Variants in GBP1 observed in about 807,000 individuals in gnomAD.
GBP1 encodes guanylate-binding protein 1.
In GBP1, 64 loss-of-function variants were observed where a neutral mutation model predicts 69.5. The ratio of observed to expected loss-of-function variants is 0.92; its 90% CI spans 0.75 to 1.13. The LOEUF (loss-of-function observed/expected upper bound fraction) is 1.13. Ranked by LOEUF, GBP1 falls within the 50% of genes most tolerant of loss-of-function variation. GBP1 has a pLI of 0.00. For missense variants in GBP1, 630 were observed against 704.1 expected, an observed-to-expected ratio of 0.89 and a Z score of 1.19; for synonymous variants, 250 against 261.2, an observed-to-expected ratio of 0.96 and a Z score of 0.41.
chr1:89,062,307 G>A (rs1050156945), intron 2 of GBP1, among the ~76,000 whole-genome samples: 2 of 152,150 alleles, frequency 1.3e-5, no homozygotes, highest in South Asian at 2.1e-4. Flanking sequence ...TAGTATACAC[G>A]TACAATTACT....
chr1:89,057,525 A>G (rs10922557), intron 6 of GBP1, among the ~76,000 whole-genome samples: 62,636 of 152,052 alleles, frequency 0.41, 13,825 homozygotes, highest in Non-Finnish European at 0.49. Context: ...AAATGACACT[A>G]TTCCAATAAA....
At chr1:89,059,526 TTTTTC>T (rs1680131135) in intron 3 of GBP1, 100 bp from the exon 4 acceptor site, 9 of 1,251,652 alleles carry the variant, frequency 7.2e-6, no homozygotes, top group Admixed American at 2.7e-5. Flanking sequence ...AGAGGGTTTT[TTTTTC>T]TTTTCTTTTT....
intron 4 of GBP1, 68 bp from the exon 5 acceptor site, chr1:89,059,111 A>T (rs910736296): frequency 1.7e-4 from 272 of 1,604,402 alleles, no homozygotes; most frequent in Non-Finnish European, 1.9e-4. Context: ...TTCAACACAT[A>T]CCCAAACCTT....
intron 6 of GBP1, 133 bp from the exon 7 acceptor site, chr1:89,057,267 G>A: frequency 8.0e-7 from 1 of 1,256,404 alleles, no homozygotes; most frequent in Non-Finnish European, 1.1e-6. Context: ...GAAGCTTGCT[G>A]GAAATAGACT....
intron 1 of GBP1, among the ~76,000 whole-genome samples, chr1:89,064,226 TGTGTGTGTGTGTGTGA>T (rs1356754552): frequency 0.014 from 1,587 of 110,956 alleles, 6 homozygotes; most frequent in Non-Finnish European, 0.023. Context: ...TGTGTGTGTG[TGTGTGTGTGTGTGTGA>T]GAGAGAGAGA....
In GBP1 at chr1:89,053,266, AATT is replaced by A; in HGVS notation, c.*86_*88del. 1 of 925,902 alleles carries A rather than the reference AATT, an allele frequency of 1.1e-6. No homozygotes were observed. The highest frequency in any genetic ancestry group is 2.5e-5 in the East Asian group (1 of 39,412). 57.4% of individuals were successfully genotyped at this position (925,902 alleles called of 1,614,324 possible). On this transcript the variant is annotated 3_prime_UTR_variant, in exon 11 of 11. Coordinates refer to ENST00000370473, the MANE Select transcript of GBP1 (RefSeq NM_002053.3). ...CTTTTGGTGTTATGATGCAAGATCT[AATT>A]ATTATCAAATGTAGTGACGCTTGTT...
intron 10 of GBP1, among the ~76,000 whole-genome samples, 186 bp downstream of exon 10, chr1:89,054,496 A>G (rs1330246589): frequency 1.3e-5 from 2 of 152,250 alleles, no homozygotes; most frequent in Non-Finnish European, 2.9e-5. Flanking sequence ...CTGCAAATAA[A>G]AAACTTTCAG....
At chr1:89,055,722 C>G in intron 8 of GBP1, 1 of 481,288 alleles carries the variant, frequency 2.1e-6, no homozygotes, top group East Asian at 4.0e-5. Context: ...AAGCAGCCAT[C>G]ATTGGGTTCC....
chr1:89,059,232 C>A, intron 4 of GBP1, 85 bp downstream of exon 4: 1 of 1,613,520 alleles, frequency 6.2e-7, no homozygotes, highest in Non-Finnish European at 8.5e-7. Flanking sequence ...GAGCTTGATT[C>A]ATCAGGATTC....
At chr1:89,064,449 C>T (rs957946325) in intron 1 of GBP1, among the ~76,000 whole-genome samples, 1 of 151,942 alleles carries the variant, frequency 6.6e-6, no homozygotes, top group Non-Finnish European at 1.5e-5. Flanking sequence ...CACTTTTGGC[C>T]CTGCTCTCTA....
rs144022371 is a variant in GBP1, at chr1:89,058,119, C to G, written c.747G>C (p.Gln249His). 1.5e-4 allele frequency: 250 copies of G among 1,614,166 alleles called. 16 individuals are homozygous for G. The highest frequency in any genetic ancestry group is 5.6e-4 in the East Asian group (25 of 44,880). ...DRPVHRRKLA[Q>H]LEKLQDEELD... ...GCTCTTCATCTTGTAGTTTCTCGAG[C>G]TGGGCAAGCTTCCTGCGGTGAACGG... is the stretch of plus-strand genomic sequence containing the variant. The change falls in exon 6 of 11, where the codon CAG (glutamine) becomes CAC (histidine). Residue 249 changes from glutamine to histidine, a missense_variant. Transcript: ENST00000370473.
At chr1:89,058,808 C>T (rs756717547) in intron 5 of GBP1, 33 bp downstream of exon 5, 7 of 1,603,622 alleles carry the variant, frequency 4.4e-6, no homozygotes, top group Admixed American at 3.3e-5. Context: ...TGTGTTTTCT[C>T]ATCCTCATTT....
At chr1:89,062,217 G>C (rs1680218462) in intron 2 of GBP1, among the ~76,000 whole-genome samples, 1 of 152,204 alleles carries the variant, frequency 6.6e-6, no homozygotes, top group Admixed American at 6.5e-5. Flanking sequence ...AGACACCCAT[G>C]TTCCTATTAG....
chr1:89,055,257 T>G (rs1680014167), intron 8 of GBP1, 42 bp from the exon 9 acceptor site: 1 of 1,609,938 alleles, frequency 6.2e-7, no homozygotes, highest in Non-Finnish European at 8.5e-7. Context: ...AGGAAATGGC[T>G]GTAAGCAGGT....
chr1:89,062,930 A>C, intron 2 of GBP1, 115 bp downstream of exon 2: 2 of 1,295,328 alleles, frequency 1.5e-6, no homozygotes, highest in South Asian at 2.6e-5. Flanking sequence ...CTGTGAATGG[A>C]AAGTTAGCTT....
chr1:89,055,633 T>C lies in GBP1; in HGVS notation c.1368+383A>G, dbSNP rs1215057778. 8.3e-6 allele frequency: 3 copies of C among 359,428 alleles called. No homozygotes were observed. In the East Asian group the frequency reaches 2.1e-4, roughly 25 times the overall value. The allele number at this position is 359,428 out of a possible 1,614,324, so 22.3% of individuals were successfully genotyped here. A position where few individuals can be genotyped will look rare whatever the true frequency, so the allele number is the denominator to read the frequency against. On this transcript the variant is annotated intron_variant, in intron 8 of 10. Transcript: ENST00000370473. ...GAACACTGGACAGAGAGCCAGTTCA[T>C]GATGTTACTTGAAACCTTAGACCCA... is the stretch of plus-strand genomic sequence containing the variant.
chr1:89,064,240 T>TGTGTGTGTGAGA (rs1243424526), intron 1 of GBP1, among the ~76,000 whole-genome samples: 2 of 100,010 alleles, frequency 2.0e-5, no homozygotes, highest in African/African-American at 4.1e-5. Context: ...TGTGTGTGTG[T>TGTGTGTGTGAGA]GAGAGAGAGA....
In GBP1 at chr1:89,055,325, A is replaced by G. The variant is rs1292648582; in HGVS notation, c.1369-110T>C. 26 of 1,540,628 alleles carry G rather than the reference A, an allele frequency of 1.7e-5. No individual in the cohort carries two copies. The African/African-American group carries it at 1.9e-4, about 11-fold the overall frequency. On this transcript the variant is annotated intron_variant, in intron 8 of 10. Coordinates refer to ENST00000370473, the MANE Select transcript of GBP1 (RefSeq NM_002053.3). ...TCTGGGAATTCTTTCTCTTGGCCCT[A>G]TTGTCCTTGGTGGTCAAATTCCCTG...
chr1:89,062,988 G>T, intron 2 of GBP1, 57 bp downstream of exon 2: 1 of 1,592,440 alleles, frequency 6.3e-7, no homozygotes, highest in Non-Finnish European at 8.6e-7. Context: ...TCATAATGGA[G>T]GCTGACTGTG....
Sources: gnomAD v4.1 joint callset for allele counts (sites outside exome capture counted in the v4.1 genomes callset) on GRCh38, gnomAD v4.1.1 for gene constraint, MANE v1.5 for transcripts, NCBI Gene and HGNC (gene_info 2026-07-23, HGNC 2026-07-21) for gene names.